The following RIMS2 variants were observed in gnomAD, a reference collection of about 807,000 sequenced individuals.
The protein encoded by RIMS2 is regulating synaptic membrane exocytosis protein 2.
Under a neutral mutation model 174.4 loss-of-function variants are expected in RIMS2, and 59 were observed. That is an observed-to-expected ratio of 0.34 (90% CI 0.27 to 0.42). RIMS2 has a LOEUF of 0.42. RIMS2 is among the 10% of genes least tolerant of loss of function. The pLI is 1.00. For missense variants in RIMS2, 1,620 were observed against 1,666.3 expected (o/e 0.97, Z 0.48); for synonymous variants, 606 against 572.5 (o/e 1.06, Z -0.84).
intron 3 of RIMS2, among the ~76,000 whole-genome samples, chr8:103,854,329 T>C (rs1197002320): frequency 6.6e-6 from 1 of 152,164 alleles, no homozygotes; most frequent in Non-Finnish European, 1.5e-5. Flanking sequence ...ACTTCTTCTT[T>C]TCCTATTTGG....
intron 1 of RIMS2, among the ~76,000 whole-genome samples, chr8:103,594,763 G>A (rs536697309): frequency 6.6e-5 from 10 of 151,840 alleles, no homozygotes; most frequent in Non-Finnish European, 1.2e-4. Context: ...AGAAAATATA[G>A]ACAAAGTAGG....
intron 19 of RIMS2, among the ~76,000 whole-genome samples, chr8:104,168,321 G>T (rs1331126272): frequency 1.3e-5 from 2 of 152,010 alleles, no homozygotes; most frequent in Non-Finnish European, 2.9e-5. Context: ...CCATTTGTTT[G>T]TGTCATCTGT....
chr8:103,593,844 T>C (rs1042928193), intron 1 of RIMS2, among the ~76,000 whole-genome samples: 2 of 151,316 alleles, frequency 1.3e-5, no homozygotes, highest in African/African-American at 4.8e-5. Flanking sequence ...ATAGAAAATT[T>C]AATTTCTAAA....
intron 2 of RIMS2, among the ~76,000 whole-genome samples, chr8:103,719,185 G>T (rs533806049): frequency 6.6e-6 from 1 of 152,164 alleles, no homozygotes; most frequent in Non-Finnish European, 1.5e-5. Flanking sequence ...CATTTGTGAT[G>T]ATGAAGGAAA....
chr8:104,046,186 G>A (rs548347317), intron 19 of RIMS2, among the ~76,000 whole-genome samples: 1 of 152,086 alleles, frequency 6.6e-6, no homozygotes, highest in East Asian at 1.9e-4. Context: ...TTAGTGTCTG[G>A]CTAGGGCCTG....
intron 19 of RIMS2, among the ~76,000 whole-genome samples, chr8:104,178,466 A>G (rs1056181872): frequency 7.9e-5 from 12 of 152,046 alleles, no homozygotes; most frequent in African/African-American, 2.9e-4. Context: ...TCTTCTGAAA[A>G]AACTGTGTAA....
At chr8:104,090,686 T>C (rs2097638110) in intron 19 of RIMS2, among the ~76,000 whole-genome samples, 1 of 151,830 alleles carries the variant, frequency 6.6e-6, no homozygotes, top group African/African-American at 2.4e-5. Flanking sequence ...AGTATTTCCC[T>C]ATTAGGTGAT....
intron 1 of RIMS2, among the ~76,000 whole-genome samples, chr8:103,639,277 A>T (rs1016153585): frequency 6.6e-6 from 1 of 151,964 alleles, no homozygotes; most frequent in African/African-American, 2.4e-5. Context: ...CAATTTGATC[A>T]ATTTGTCACA....
rs555964701 is a variant in RIMS2, at chr8:103,792,067, G to A, written c.698+25530G>A. ...AATTGAACTCAGCTCTGCACCAAGC[G>A]GACTTAATAGACATCTACAGAAGTC... On this transcript the variant is annotated intron_variant, in intron 3 of 23. Transcript: ENST00000504942. Among the ~76,000 whole-genome samples the A allele has an allele frequency of 6.6e-5, 10 of 152,150 alleles. 1 individual carries two copies. The East Asian group carries it at 1.5e-3, about 24-fold the overall frequency.
chr8:103,710,040 C>T (rs555637559), intron 2 of RIMS2, among the ~76,000 whole-genome samples: 2 of 152,128 alleles, frequency 1.3e-5, no homozygotes, highest in Non-Finnish European at 2.9e-5. Context: ...AATAAAAAGA[C>T]TCTGGAATGT....
intron 3 of RIMS2, among the ~76,000 whole-genome samples, chr8:103,838,134 T>G (rs1339845303): frequency 6.6e-6 from 1 of 151,894 alleles, no homozygotes; most frequent in East Asian, 1.9e-4. Flanking sequence ...TTTGTAGAAG[T>G]AGGGTTTCAC....
chr8:103,555,975 G>A (rs956497588), intron 1 of RIMS2, among the ~76,000 whole-genome samples: 1 of 152,058 alleles, frequency 6.6e-6, no homozygotes, highest in Non-Finnish European at 1.5e-5. Flanking sequence ...CTTATATGTG[G>A]AATCTAAAGA....
intron 1 of RIMS2, among the ~76,000 whole-genome samples, chr8:103,637,567 G>GT (rs1268207990): frequency 6.6e-6 from 1 of 152,216 alleles, no homozygotes; most frequent in Non-Finnish European, 1.5e-5. Flanking sequence ...TTGTGGGAAG[G>GT]TTTTTTGTTT....
chr8:103,586,239 T>A (rs1396704993), intron 1 of RIMS2, among the ~76,000 whole-genome samples: 1 of 152,162 alleles, frequency 6.6e-6, no homozygotes, highest in Non-Finnish European at 1.5e-5. Context: ...TCACTATAGA[T>A]CAAATGGATC....
At chr8:104,212,631 C>A (rs1185455844) in intron 19 of RIMS2, among the ~76,000 whole-genome samples, 1 of 152,158 alleles carries the variant, frequency 6.6e-6, no homozygotes, top group Non-Finnish European at 1.5e-5. Context: ...CATGTTCATT[C>A]TTAACTAAAA....
At chr8:104,072,049 A>T (rs2097205870) in intron 19 of RIMS2, among the ~76,000 whole-genome samples, 1 of 152,204 alleles carries the variant, frequency 6.6e-6, no homozygotes, top group Admixed American at 6.5e-5. Flanking sequence ...AATATAATCA[A>T]GTCTCTTAAG....
In RIMS2 at chr8:103,738,374, A is replaced by C. The variant is rs570025387; in HGVS notation, c.388-27853A>C. Among the ~76,000 whole-genome samples, 3 of 152,302 alleles carry C rather than the reference A, an allele frequency of 2.0e-5. No individual in the cohort carries two copies. The East Asian group carries it at 5.8e-4, about 29-fold the overall frequency. Reference sequence around the variant, plus strand: ...ATCCCTTCCTTACACCTTATACGAAAATTAATTCAAGATGGATTAAAGATT... The same window carrying C: ...ATCCCTTCCTTACACCTTATACGAACATTAATTCAAGATGGATTAAAGATT... On this transcript the variant is annotated intron_variant, in intron 2 of 23. Transcript: ENST00000504942.
intron 19 of RIMS2, among the ~76,000 whole-genome samples, chr8:104,063,705 G>T (rs2097049681): frequency 6.6e-6 from 1 of 152,104 alleles, no homozygotes; most frequent in Non-Finnish European, 1.5e-5. Context: ...CCTCAGATTT[G>T]AGCATTTTGT....
intron 19 of RIMS2, among the ~76,000 whole-genome samples, chr8:104,204,299 T>G (rs1257370195): frequency 6.6e-6 from 1 of 152,252 alleles, no homozygotes; most frequent in Non-Finnish European, 1.5e-5. Flanking sequence ...CTTCGTGATA[T>G]TCACATTATA....
Sources: allele counts gnomAD v4.1 joint callset (sites outside exome capture counted in the v4.1 genomes callset), GRCh38; gene constraint gnomAD v4.1.1; transcripts MANE v1.5; gene names NCBI Gene and HGNC (gene_info 2026-07-23, HGNC 2026-07-21).